Variants in CHCHD3 observed in about 807,000 individuals in gnomAD.
CHCHD3 encodes coiled-coil-helix-coiled-coil-helix domain containing 3, also known as MICOS complex subunit MIC19.
A neutral mutation model predicts 38.2 loss-of-function variants in CHCHD3; 20 were observed. The ratio of observed to expected loss-of-function variants is 0.52; its 90% CI spans 0.37 to 0.76. The LOEUF (loss-of-function observed/expected upper bound fraction) is 0.76. Ranked by LOEUF, CHCHD3 falls within the 30% of genes least tolerant of loss-of-function variation. CHCHD3 has a pLI of 0.00. For synonymous variants in CHCHD3, 82 were observed against 100.0 expected, an observed-to-expected ratio of 0.82 and a Z score of 1.07; for missense variants, 245 against 279.2, an observed-to-expected ratio of 0.88 and a Z score of 0.87.
intron 6 of CHCHD3, among the ~76,000 whole-genome samples, chr7:132,827,813 G>C (rs901916466): frequency 3.9e-5 from 6 of 152,164 alleles, no homozygotes; most frequent in African/African-American, 1.4e-4. Flanking sequence ...TGTGTACCAT[G>C]ATGTTTGAGA....
intron 2 of CHCHD3, among the ~76,000 whole-genome samples, chr7:133,061,505 G>A (rs1244043680): frequency 1.3e-5 from 2 of 151,816 alleles, no homozygotes; most frequent in African/African-American, 4.8e-5. Context: ...AGAGCAAGGT[G>A]CATGTGCATG....
chr7:132,979,181 C>T (rs547286405), intron 3 of CHCHD3, among the ~76,000 whole-genome samples: 43 of 152,164 alleles, frequency 2.8e-4, no homozygotes, highest in African/African-American at 9.9e-4. Context: ...TTCCTCATTC[C>T]ATAAAAAATC....
At chr7:132,923,281 C>A (rs1418804999) in intron 4 of CHCHD3, among the ~76,000 whole-genome samples, 6 of 152,144 alleles carry the variant, frequency 3.9e-5, no homozygotes, top group Admixed American at 1.3e-4. Flanking sequence ...GTTGATATTT[C>A]ATTTGGTTTT....
Position 132,795,999 on chromosome 7 carries a change from T to C in CHCHD3, c.660+443A>G, listed in dbSNP as rs116385375. On this transcript the variant is annotated intron_variant, in intron 7 of 7. Transcript: ENST00000262570. Reference sequence around the variant, plus strand: ...TGAACTCTATCAACTGGTGGAAGCGTTGGACAGTGACTGAACGGTGGTGTT... The same window carrying C: ...TGAACTCTATCAACTGGTGGAAGCGCTGGACAGTGACTGAACGGTGGTGTT... Among the ~76,000 whole-genome samples, 327 of 152,112 alleles carry C rather than the reference T, an allele frequency of 2.1e-3. 2 individuals are homozygous for C. Among genetic ancestry groups the C allele is most frequent in the African/African-American group, 7.3e-3 (302 of 41,498 alleles).
At chr7:133,012,300 T>G (rs1812897376) in intron 3 of CHCHD3, among the ~76,000 whole-genome samples, 1 of 152,210 alleles carries the variant, frequency 6.6e-6, no homozygotes, top group South Asian at 2.1e-4. Flanking sequence ...TAATATTAAT[T>G]TTTACCCACC....
At chr7:132,793,943 G>T (rs1342656922) in intron 7 of CHCHD3, among the ~76,000 whole-genome samples, 1 of 152,194 alleles carries the variant, frequency 6.6e-6, no homozygotes, top group African/African-American at 2.4e-5. Flanking sequence ...CACAGCTGGG[G>T]TCATGAGGTT....
intron 4 of CHCHD3, among the ~76,000 whole-genome samples, chr7:132,931,625 G>C (rs1585649628): frequency 6.6e-6 from 1 of 152,034 alleles, no homozygotes; most frequent in Admixed American, 6.6e-5. Flanking sequence ...CATTATATTC[G>C]ATGATGATTA....
intron 6 of CHCHD3, among the ~76,000 whole-genome samples, chr7:132,818,439 C>T (rs1297042537): frequency 6.6e-6 from 1 of 152,152 alleles, no homozygotes; most frequent in Non-Finnish European, 1.5e-5. Context: ...GAATTTTCTC[C>T]TCTATGTCTT....
At chr7:133,050,375 A>AG (rs1814124812) in intron 2 of CHCHD3, among the ~76,000 whole-genome samples, 1 of 135,428 alleles carries the variant, frequency 7.4e-6, no homozygotes, top group Non-Finnish European at 1.6e-5. Context: ...AAAAAAAAAA[A>AG]TGCAGAATGA....
chr7:132,888,882 A>T (rs1217743079), intron 4 of CHCHD3, among the ~76,000 whole-genome samples: 1 of 152,094 alleles, frequency 6.6e-6, no homozygotes, highest in Non-Finnish European at 1.5e-5. Context: ...GAGGAGCAGA[A>T]GGGAGGGACA....
At position 132,985,817 on chromosome 7, in the gene CHCHD3, C is replaced by T. The variant is rs866096024; in HGVS notation, c.252-10531G>A. Among the ~76,000 whole-genome samples, 132 of 114,132 alleles carry T rather than the reference C, an allele frequency of 1.2e-3. 7 individuals carry two copies. Among genetic ancestry groups the T allele is most frequent in the African/African-American group, 3.8e-3 (119 of 30,974 alleles). The allele number at this position is 114,132 out of a possible 152,430, so 74.9% of individuals were successfully genotyped here. The stretch of plus-strand genomic sequence containing the variant: ...CCCCCGCCCGGCCAGCCGCCCCGTC[C>T]GGGAGGTGAGGGGCGCCTCTGCCCG... On this transcript the variant is annotated intron_variant, in intron 3 of 7. Transcript: ENST00000262570.
At chr7:132,938,198 T>C (rs995281626) in intron 4 of CHCHD3, among the ~76,000 whole-genome samples, 1 of 152,220 alleles carries the variant, frequency 6.6e-6, no homozygotes, top group Non-Finnish European at 1.5e-5. Context: ...CACTTTCATC[T>C]ACATTATACC....
At chr7:132,787,818 A>T (rs982770383) in intron 7 of CHCHD3, among the ~76,000 whole-genome samples, 5 of 152,228 alleles carry the variant, frequency 3.3e-5, no homozygotes, top group African/African-American at 1.2e-4. Flanking sequence ...AAAGGCAGAC[A>T]AACTTAGACA....
intron 4 of CHCHD3, among the ~76,000 whole-genome samples, chr7:132,925,837 C>CA (rs1247046958): frequency 1.3e-5 from 2 of 152,070 alleles, no homozygotes; most frequent in Admixed American, 6.5e-5. Flanking sequence ...AGATGAGCCT[C>CA]AAAAACGAGT....
At chr7:133,012,306 C>G (rs551974832) in intron 3 of CHCHD3, among the ~76,000 whole-genome samples, 13 of 152,150 alleles carry the variant, frequency 8.5e-5, no homozygotes, top group African/African-American at 2.9e-4. Context: ...TAATTTTTAC[C>G]CACCATTTGA....
intron 3 of CHCHD3, among the ~76,000 whole-genome samples, chr7:132,994,001 GTTAC>G (rs142242488): frequency 0.21 from 31,209 of 151,954 alleles, 3,455 homozygotes; most frequent in South Asian, 0.26. Context: ...ACATTAAAGG[GTTAC>G]TTAAAGAATT....
At chr7:132,802,292 G>A (rs1806813583) in intron 6 of CHCHD3, among the ~76,000 whole-genome samples, 1 of 152,024 alleles carries the variant, frequency 6.6e-6, no homozygotes, top group Admixed American at 6.6e-5. Flanking sequence ...GGTGCTCAGG[G>A]GAGAGTAACA....
At chr7:132,948,134 A>C (rs945875011) in intron 4 of CHCHD3, among the ~76,000 whole-genome samples, 1 of 151,958 alleles carries the variant, frequency 6.6e-6, no homozygotes, top group African/African-American at 2.4e-5. Context: ...CTGTTTTGGG[A>C]TTTCCTTCTT....
Position 132,891,546 on chromosome 7 carries a change from G to GT in CHCHD3, c.370-5802dup, listed in dbSNP as rs1343693368. On this transcript the variant is annotated intron_variant, in intron 4 of 7. Transcript: ENST00000262570. ...ACCCAGGATTAGATCAAGGCAGCTGGTTTTGGTGCTTGTTTTGTCTTCCCC... is the reference window on the plus strand; with the variant it reads ...ACCCAGGATTAGATCAAGGCAGCTGGTTTTTGGTGCTTGTTTTGTCTTCCCC... Among the ~76,000 whole-genome samples, 5 of 152,302 alleles carry GT rather than the reference G, an allele frequency of 3.3e-5. No individual in the cohort carries two copies. The East Asian group carries it at 5.8e-4, about 18-fold the overall frequency.
Sources: allele counts gnomAD v4.1 joint callset (sites outside exome capture counted in the v4.1 genomes callset), GRCh38; gene constraint gnomAD v4.1.1; transcripts MANE v1.5; gene names NCBI Gene and HGNC (gene_info 2026-07-23, HGNC 2026-07-21).